YWHAZ: variants seen among roughly 807,000 people sequenced by gnomAD.
YWHAZ encodes the protein 14-3-3 protein zeta/delta.
For missense variants in YWHAZ, 79 were observed against 284.8 expected (o/e 0.28, Z 5.20); for synonymous variants, 87 against 103.6 (o/e 0.84, Z 0.97).
At chr8:100,930,193 G>A (rs985361110) in intron 2 of YWHAZ, among the ~76,000 whole-genome samples, 1 of 152,166 alleles carries the variant, frequency 6.6e-6, no homozygotes, top group Admixed American at 6.5e-5. Context: ...CAGCCTCCCC[G>A]GTTCAAGTGA....
intron 1 of YWHAZ, among the ~76,000 whole-genome samples, chr8:100,949,440 C>T (rs1810539851): frequency 6.6e-6 from 1 of 152,186 alleles, no homozygotes; most frequent in Non-Finnish European, 1.5e-5. Flanking sequence ...CTACCCCAAA[C>T]CTACTAGATC....
intron 2 of YWHAZ, among the ~76,000 whole-genome samples, chr8:100,942,602 G>A (rs1809955249): frequency 6.6e-6 from 1 of 152,166 alleles, no homozygotes; most frequent in Non-Finnish European, 1.5e-5. Context: ...ATCTTCTGAT[G>A]CTGAAAGACA....
chr8:100,923,302 G>A (rs1813155298), intron 5 of YWHAZ: 2 of 152,098 alleles, frequency 1.3e-5, no homozygotes, highest in Admixed American at 6.5e-5. Context: ...AGAAGAATGA[G>A]AAGACCTAAG....
rs775382780 is a variant in YWHAZ at position 100,948,321 on chromosome 8, T to C, written c.294+275A>G. 6.6e-6 allele frequency among the ~76,000 whole-genome samples: 1 copy of C among 151,734 alleles called. No individual in the cohort carries two copies. The highest frequency in any genetic ancestry group is 1.5e-5 in the Non-Finnish European group (1 of 67,642). On this transcript the variant is annotated intron_variant, in intron 2 of 5. Coordinates refer to ENST00000395958, the MANE Select transcript of YWHAZ (RefSeq NM_145690.3). This position sits in a 1 kb window ranked among gnomAD's most constrained non-coding sequence, Gnocchi z 4.2. The stretch of plus-strand genomic sequence containing the variant: ...AACCATAAGTAAAACAGTAACACAA[T>C]TAGTTTATATTTTCAATTAATATAA...
intron 2 of YWHAZ, among the ~76,000 whole-genome samples, chr8:100,935,661 T>C (rs779188599): frequency 6.6e-6 from 1 of 152,152 alleles, no homozygotes; most frequent in Non-Finnish European, 1.5e-5. Flanking sequence ...AAGAAGAACC[T>C]AAGAAAAATC....
chr8:100,933,036 G>A (rs937289816), intron 2 of YWHAZ, among the ~76,000 whole-genome samples: 1 of 152,132 alleles, frequency 6.6e-6, no homozygotes, highest in Non-Finnish European at 1.5e-5. Flanking sequence ...AAAGTGATAA[G>A]AATCAGTATT....
At chr8:100,952,735 G>A, upstream of YWHAZ, 1 of 965,478 alleles carries the variant, frequency 1.0e-6, no homozygotes, top group Non-Finnish European at 1.2e-6. Context: ...CGCACGGCAA[G>A]GGAGGGTTGT....
intron 1 of YWHAZ, chr8:100,950,691 C>G (rs1261088670): frequency 3.8e-6 from 3 of 781,774 alleles, no homozygotes; most frequent in South Asian, 5.7e-5. Context: ...CGAAGCCGCC[C>G]GACCCCGGGG....
chr8:100,921,742 T>C (rs1281652777), intron 5 of YWHAZ, among the ~76,000 whole-genome samples: 1 of 152,224 alleles, frequency 6.6e-6, no homozygotes, highest in Non-Finnish European at 1.5e-5. Flanking sequence ...CCAAATCTTT[T>C]AACAGGTAAA....
chr8:100,952,667 C>G (rs1810888880), upstream of YWHAZ: 3 of 532,414 alleles, frequency 5.6e-6, no homozygotes, highest in African/African-American at 2.1e-5. Context: ...CTCGGCGGCT[C>G]CGGCATTGTG....
chr8:100,925,065 G>A lies in YWHAZ; in HGVS notation c.295-26C>T, dbSNP rs563260050. 100 of 1,593,946 alleles carry A rather than the reference G, an allele frequency of 6.3e-5. 1 individual carries two copies. The South Asian group carries it at 9.8e-4, about 16-fold the overall frequency. ...CTTAAGAAGAAAAGAAACAGACATA[G>A]TGAGAATAAAACATTTACAAAACTG... On this transcript the variant is annotated intron_variant, in intron 2 of 5. Transcript: ENST00000395958.
chr8:100,924,320 G>A lies in YWHAZ; in HGVS notation c.419-22C>T, dbSNP rs772402617. 2.5e-6 allele frequency: 4 copies of A among 1,604,384 alleles called. No individual in the cohort carries two copies. The highest frequency in any genetic ancestry group is 1.7e-4 in the Middle Eastern group (1 of 6,020). On this transcript the variant is annotated intron_variant, in intron 3 of 5. Coordinates refer to ENST00000395958, the MANE Select transcript of YWHAZ (RefSeq NM_145690.3). This position sits in a 1 kb window ranked among gnomAD's most constrained non-coding sequence, Gnocchi z 5.7. ...ATCCCTGGATAAGACACACCAAAAC[G>A]TACTGAGATAAAGTGTGCATTATAT...
At chr8:100,951,111 C>A in intron 1 of YWHAZ, 256 of 707,544 alleles carry the variant, frequency 3.6e-4, no homozygotes, top group Non-Finnish European at 4.1e-4. Context: ...CAGGAAAATT[C>A]AAGTCCTTCC....
chr8:100,937,852 C>A, intron 2 of YWHAZ, among the ~76,000 whole-genome samples: 1 of 152,170 alleles, frequency 6.6e-6, no homozygotes, highest in East Asian at 1.9e-4. Context: ...AAAAATCGGC[C>A]GGGTGCAGTG....
At chr8:100,939,978 G>A (rs925951223) in intron 2 of YWHAZ, among the ~76,000 whole-genome samples, 4 of 149,758 alleles carry the variant, frequency 2.7e-5, no homozygotes, top group South Asian at 2.1e-4. Flanking sequence ...AGCCGAGATC[G>A]CGCCACTGCA....
At position 100,934,268 on chromosome 8, in the gene YWHAZ, G is replaced by C. The variant is rs553316993; in HGVS notation, c.295-9229C>G. On this transcript the variant is annotated intron_variant, in intron 2 of 5. Transcript: ENST00000395958. The stretch of plus-strand genomic sequence containing the variant: ...GGATCACTTGAGCACAGGATGTCAT[G>C]GCTGCAGTGAGTGCACCACTGCACT... Among the ~76,000 whole-genome samples, 27 of 150,862 alleles carry C rather than the reference G, an allele frequency of 1.8e-4. 1 individual carries two copies. The South Asian group carries it at 5.2e-3, about 29-fold the overall frequency.
At chr8:100,932,133 GGTT>G (rs1485229398) in intron 2 of YWHAZ, 1 of 152,158 alleles carries the variant, frequency 6.6e-6, no homozygotes, top group East Asian at 1.9e-4. Flanking sequence ...TAATGCACAA[GGTT>G]GTTGTAAGGA....
At chr8:100,942,562 A>T (rs1809951826) in intron 2 of YWHAZ, among the ~76,000 whole-genome samples, 1 of 152,246 alleles carries the variant, frequency 6.6e-6, no homozygotes, top group African/African-American at 2.4e-5. Flanking sequence ...CAAATACACA[A>T]ATGTTTTCAA....
At chr8:100,951,666 C>CG (rs1328520619) in intron 1 of YWHAZ, 1 of 985,246 alleles carries the variant, frequency 1.0e-6, no homozygotes, top group South Asian at 4.7e-5. Context: ...TACCCACCCC[C>CG]GGGGGCAGGA....
Sources: allele counts gnomAD v4.1 joint callset (sites outside exome capture counted in the v4.1 genomes callset), GRCh38; gene constraint gnomAD v4.1.1; non-coding constraint Gnocchi (gnomAD v3.1); transcripts MANE v1.5; gene names NCBI Gene and HGNC (gene_info 2026-07-23, HGNC 2026-07-21).